The following PFKFB3 variants were observed in gnomAD, a reference collection of about 807,000 sequenced individuals.
PFKFB3 encodes the protein 6-phosphofructo-2-kinase/fructose-2,6-biphosphatase 3, also known as 6-phosphofructo-2-kinase/fructose-2,6-bisphosphatase 3.
Under a neutral mutation model 68.0 loss-of-function variants are expected in PFKFB3, and 33 were observed. The observed-to-expected ratio is 0.49, with a 90% CI of 0.37 to 0.65. PFKFB3 has a LOEUF of 0.65. PFKFB3 is among the 30% of genes least tolerant of loss of function. The pLI is 0.00. For missense variants in PFKFB3, 586 were observed against 712.2 expected (o/e 0.82, Z 2.02); for synonymous variants, 315 against 288.2 (o/e 1.09, Z -0.94).
At chr10:6,214,083 A>G (rs1028430277) in intron 2 of PFKFB3, among the ~76,000 whole-genome samples, 3 of 152,082 alleles carry the variant, frequency 2.0e-5, no homozygotes, top group Non-Finnish European at 4.4e-5. Flanking sequence ...TGATAGCCCT[A>G]AGCACTGCCT....
At chr10:6,235,771 CT>C (rs55776515), downstream of PFKFB3, among the ~76,000 whole-genome samples, 51,650 of 135,128 alleles carry the variant, frequency 0.38, 9,569 homozygotes, top group Middle Eastern at 0.48. Flanking sequence ...TCTTTTTTTT[CT>C]TTTTTTTTTT....
downstream of PFKFB3, among the ~76,000 whole-genome samples, chr10:6,255,524 C>T (rs913938601): frequency 6.6e-6 from 1 of 152,178 alleles, no homozygotes; most frequent in South Asian, 2.1e-4. Context: ...GATATATTTT[C>T]GGGGAAGGGT....
chr10:6,191,236 T>C (rs1843015941), intron 1 of PFKFB3, among the ~76,000 whole-genome samples: 1 of 152,234 alleles, frequency 6.6e-6, no homozygotes, highest in Admixed American at 6.5e-5. Context: ...CGTTGATTGA[T>C]TAAGAAGTTA....
the PFKFB3 span, among the ~76,000 whole-genome samples, chr10:6,285,239 G>A: frequency 1.6e-5 from 2 of 121,306 alleles, no homozygotes; most frequent in Non-Finnish European, 3.6e-5. Context: ...TTTTTTTTTT[G>A]TCTTTTTTTT....
At chr10:6,318,329 AG>A in the PFKFB3 span, among the ~76,000 whole-genome samples, 1 of 152,156 alleles carries the variant, frequency 6.6e-6, no homozygotes, top group Non-Finnish European at 1.5e-5. Context: ...GGGAGATTGG[AG>A]CATACACCAC....
At chr10:6,326,353 C>T in the PFKFB3 span, among the ~76,000 whole-genome samples, 3 of 152,078 alleles carry the variant, frequency 2.0e-5, no homozygotes, top group South Asian at 2.1e-4. Flanking sequence ...TTAATACCTA[C>T]GTGACGGGTT....
At chr10:6,297,036 C>A in the PFKFB3 span, among the ~76,000 whole-genome samples, 1 of 152,234 alleles carries the variant, frequency 6.6e-6, no homozygotes. Flanking sequence ...TATGACCAAC[C>A]ATGCTGTAGG....
rs75067173 is a variant in PFKFB3 at position 6,168,973 on chromosome 10, T to C, written c.16+23960T>C. On this transcript the variant is annotated intron_variant, in intron 1 of 14. Transcript: ENST00000379789. ...TCCCCACTCCTTATGCTTTCTCTTTTTGAGCCAGAGTCTCGCTCTGTCACC... is the reference window on the plus strand; with the variant it reads ...TCCCCACTCCTTATGCTTTCTCTTTCTGAGCCAGAGTCTCGCTCTGTCACC... Among the ~76,000 whole-genome samples the C allele has an allele frequency of 8.4e-3, 1,280 of 152,322 alleles. 9 individuals carry two copies. The highest frequency in any genetic ancestry group is 0.017 in the Middle Eastern group (5 of 294).
intron 10 of PFKFB3, 26 bp downstream of exon 10, chr10:6,221,771 C>T (rs528766538): frequency 1.4e-4 from 200 of 1,475,896 alleles, no homozygotes; most frequent in Admixed American, 2.5e-4. Context: ...GGCGGGCTGA[C>T]GGTCCCCAGC....
chr10:6,320,623 C>T, the PFKFB3 span, among the ~76,000 whole-genome samples: 4 of 152,054 alleles, frequency 2.6e-5, no homozygotes, highest in Non-Finnish European at 5.9e-5. Context: ...CGAGGTCTCC[C>T]TATGTTGCCC....
the PFKFB3 span, among the ~76,000 whole-genome samples, chr10:6,282,827 TAAGAGTATAGA>T: frequency 7.2e-5 from 11 of 152,360 alleles, no homozygotes; most frequent in East Asian, 2.1e-3. Flanking sequence ...AGTTCAGCGA[TAAGAGTATAGA>T]AAGTTCCTTT....
At chr10:6,281,977 G>C in the PFKFB3 span, among the ~76,000 whole-genome samples, 2 of 130,842 alleles carry the variant, frequency 1.5e-5, no homozygotes, top group Non-Finnish European at 1.7e-5. Flanking sequence ...TTTTTTTTAA[G>C]AGATGAGGTC....
intron 1 of PFKFB3, among the ~76,000 whole-genome samples, chr10:6,178,015 G>C (rs1037542590): frequency 6.6e-6 from 1 of 152,224 alleles, no homozygotes. Context: ...TGTCAAGAGG[G>C]TGGATGCTGG....
chr10:6,314,889 A>C, the PFKFB3 span, among the ~76,000 whole-genome samples: 3 of 151,832 alleles, frequency 2.0e-5, no homozygotes, highest in South Asian at 6.2e-4. Context: ...TCTTCTCTCC[A>C]CTCTGCATTT....
At chr10:6,311,357 C>T in the PFKFB3 span, among the ~76,000 whole-genome samples, 1 of 152,172 alleles carries the variant, frequency 6.6e-6, no homozygotes, top group South Asian at 2.1e-4. Flanking sequence ...TCTGTTCCTG[C>T]CACCTGTGGC....
At chr10:6,279,319 C>G in the PFKFB3 span, among the ~76,000 whole-genome samples, 4 of 152,292 alleles carry the variant, frequency 2.6e-5, no homozygotes, top group East Asian at 7.7e-4. Context: ...TAGTGGTCAA[C>G]TATCTAACAT....
the PFKFB3 span, among the ~76,000 whole-genome samples, chr10:6,278,724 AC>A: frequency 6.6e-6 from 1 of 152,366 alleles, no homozygotes; most frequent in African/African-American, 2.4e-5. Context: ...CGGAGGGCAG[AC>A]TTTTGTACAC....
chr10:6,315,024 G>A, the PFKFB3 span, among the ~76,000 whole-genome samples: 1 of 152,312 alleles, frequency 6.6e-6, no homozygotes, highest in South Asian at 2.1e-4. Flanking sequence ...TCACTCTGTG[G>A]TTAAGGAGGA....
chr10:6,224,063 C>G, intron 12 of PFKFB3, 43 bp downstream of exon 12: 1 of 1,611,940 alleles, frequency 6.2e-7, no homozygotes, highest in Non-Finnish European at 8.5e-7. Context: ...CTGAAGGTGG[C>G]CACAGTAGCT....
Sources: allele counts gnomAD v4.1 joint callset (sites outside exome capture counted in the v4.1 genomes callset), GRCh38; gene constraint gnomAD v4.1.1; transcripts MANE v1.5; gene names NCBI Gene and HGNC (gene_info 2026-07-23, HGNC 2026-07-21).